Variants in RABL6 observed in about 807,000 individuals in gnomAD.
The protein encoded by RABL6 is rab-like protein 6.
A neutral mutation model predicts 72.9 loss-of-function variants in RABL6; 28 were observed. The ratio of observed to expected loss-of-function variants is 0.38; its 90% CI spans 0.28 to 0.53. RABL6 has a LOEUF of 0.53. RABL6 is among the 20% of genes least tolerant of loss of function. RABL6 has a pLI of 0.80. For synonymous variants in RABL6, 477 were observed against 421.2 expected, an observed-to-expected ratio of 1.13 and a Z score of -1.62; for missense variants, 1,029 against 1,008.4, an observed-to-expected ratio of 1.02 and a Z score of -0.28.
rs568788847 is a variant in RABL6 at position 136,832,319 on chromosome 9, C to T, written c.654C>T (p.Phe218=). ...CTGAGTCTTCCATGAAGAACAGCTT[C>T]GGCCTAAAGTACCTTCATAAGTTCT... The part of the protein sequence containing the change: ...RYAESSMKNS[F]GLKYLHKFFN... Residue 218 remains phenylalanine (F), a synonymous_variant, in exon 7 of 15, where the codon TTC becomes TTT. Coordinates refer to ENST00000311502, the MANE Select transcript of RABL6 (RefSeq NM_024718.5). The T allele has an allele frequency of 1.5e-5, 25 of 1,613,950 alleles. No homozygotes were observed. Among genetic ancestry groups the T allele is most frequent in the South Asian group, 1.1e-4 (10 of 91,088 alleles).
intron 2 of RABL6, among the ~76,000 whole-genome samples, chr9:136,824,315 G>C (rs915256959): frequency 2.8e-5 from 4 of 143,652 alleles, no homozygotes; most frequent in African/African-American, 1.0e-4. Flanking sequence ...TTTGTTTTTT[G>C]GTTTGGTTGG....
rs537381681 is a variant in RABL6 at position 136,827,230 on chromosome 9, G to A, written c.314-1264G>A. The A allele has an allele frequency of 5.9e-5, 9 of 152,408 alleles. No individual in the cohort carries two copies. In the East Asian group the frequency reaches 9.6e-4, roughly 16 times the overall value. 9.4% of individuals were successfully genotyped at this position (152,408 alleles called of 1,614,324 possible). A position where few individuals can be genotyped will look rare whatever the true frequency, so the allele number is the denominator to read the frequency against. ...TCCCCGCCCTGACTCAGTGCCCACT[G>A]TGCGAGGTGTGAGCACTGTCCACAG... On this transcript the variant is annotated intron_variant, in intron 3 of 14. Transcript: ENST00000311502.
chr9:136,832,238 T>G, intron 6 of RABL6, 27 bp from the exon 7 acceptor site: 1 of 1,596,816 alleles, frequency 6.3e-7, no homozygotes, highest in South Asian at 1.1e-5. Context: ...GTCTTTCTCT[T>G]GCATCTTTTT....
chr9:136,839,645 G>A (rs781100485), intron 12 of RABL6, 49 bp from the exon 13 acceptor site: 7 of 1,551,798 alleles, frequency 4.5e-6, no homozygotes, highest in Non-Finnish European at 6.1e-6. Flanking sequence ...CACAACCCCT[G>A]GGGGTGTGGG....
chr9:136,837,813 G>C, intron 9 of RABL6, 49 bp from the exon 10 acceptor site: 1 of 1,543,628 alleles, frequency 6.5e-7, no homozygotes, highest in South Asian at 1.2e-5. Flanking sequence ...GTTGGGTGCA[G>C]TGAGGGTTCT....
chr9:136,808,250 C>A lies in RABL6; in HGVS notation c.54C>A (p.Asp18Glu). ...LVGSDQAPGR[D>E]KNIPAGLQSM... is the part of the protein sequence containing the mutation. ...GGTCGGACCAGGCCCCGGGCCGGGA[C>A]AAGAACATCCCCGCCGGGCTGCAGT... Residue 18 changes from aspartate (D) to glutamate (E), a missense_variant, in exon 1 of 15, where the codon GAC (aspartate) becomes GAA (glutamate). Transcript: ENST00000311502. 6.4e-7 allele frequency: 1 copy of A among 1,565,840 alleles called. No individual in the cohort carries two copies. The highest frequency in any genetic ancestry group is 8.6e-7 in the Non-Finnish European group (1 of 1,157,582).
At chr9:136,823,284 C>T (rs1003172154) in intron 1 of RABL6, among the ~76,000 whole-genome samples, 2 of 151,304 alleles carry the variant, frequency 1.3e-5, no homozygotes, top group African/African-American at 2.5e-5. Flanking sequence ...TAGAAAGCTG[C>T]CCCCTGGGCC....
intron 6 of RABL6, 72 bp from the exon 7 acceptor site, chr9:136,832,193 T>A: frequency 7.2e-7 from 1 of 1,397,178 alleles, no homozygotes; most frequent in Non-Finnish European, 1.0e-6. Context: ...CCCACAGCTG[T>A]GGGCCCAGGG....
At chr9:136,834,760 G>T (rs185899611) in intron 7 of RABL6, among the ~76,000 whole-genome samples, 1 of 151,926 alleles carries the variant, frequency 6.6e-6, no homozygotes, top group African/African-American at 2.4e-5. Flanking sequence ...TTACAGGTGT[G>T]AGCCACCACG....
chr9:136,815,272 C>A, intron 1 of RABL6: 1 of 288,166 alleles, frequency 3.5e-6, no homozygotes, highest in Non-Finnish European at 7.0e-6. Flanking sequence ...GCAGGTGTGG[C>A]GACTGCTTTG....
chr9:136,821,796 G>A (rs932737025), intron 1 of RABL6: 1 of 1,175,284 alleles, frequency 8.5e-7, no homozygotes, highest in Non-Finnish European at 1.1e-6. Flanking sequence ...CAAGTTCTCC[G>A]CGGGAGAGGG....
intron 1 of RABL6, chr9:136,813,889 AC>A (rs2131158357): frequency 3.6e-6 from 1 of 280,300 alleles, no homozygotes; most frequent in Non-Finnish European, 7.0e-6. Context: ...TGCTGGGATT[AC>A]AGGTGTGAGC....
chr9:136,828,696 C>G (rs1319647181), intron 4 of RABL6, 150 bp downstream of exon 4: 3 of 774,452 alleles, frequency 3.9e-6, no homozygotes, highest in Non-Finnish European at 6.2e-6. Context: ...TCTGAAAACC[C>G]CACACTGCCA....
intron 1 of RABL6, among the ~76,000 whole-genome samples, chr9:136,810,753 G>C (rs1050578747): frequency 2.6e-5 from 4 of 152,212 alleles, no homozygotes; most frequent in Non-Finnish European, 5.9e-5. Context: ...GTGTTAGCCA[G>C]GATGGTCTCA....
Position 136,808,349 on chromosome 9 carries a change from G to A in RABL6, c.130+23G>A, listed in dbSNP as rs746395593. 12 of 1,487,450 alleles carry A rather than the reference G, an allele frequency of 8.1e-6. No individual in the cohort carries two copies. In the African/African-American group the frequency reaches 8.8e-5, roughly 11 times the overall value. 92.1% of individuals were successfully genotyped at this position (1,487,450 alleles called of 1,614,324 possible). ...ACAGTGAGTGCGGCGGGCCGGGGGGGCGCGGGAGCGCCGCGCGGGTCTCCG... is the reference window on the plus strand; with the variant it reads ...ACAGTGAGTGCGGCGGGCCGGGGGGACGCGGGAGCGCCGCGCGGGTCTCCG... On this transcript the variant is annotated intron_variant, in intron 1 of 14. Coordinates refer to ENST00000311502, the MANE Select transcript of RABL6 (RefSeq NM_024718.5).
Position 136,840,170 on chromosome 9 carries a change from C to T in RABL6, c.1947C>T (p.Thr649=), listed in dbSNP as rs1255888915. 2.5e-6 allele frequency: 4 copies of T among 1,612,784 alleles called. No individual in the cohort carries two copies. The highest frequency in any genetic ancestry group is 4.5e-5 in the East Asian group (2 of 44,856). Residue 649 remains threonine (T), a synonymous_variant, in exon 14 of 15, where the codon ACC becomes ACT. Transcript: ENST00000311502. ...ESSEEGKEGK[T]PSKEKKKKKK... ...TCTGTGCAGGTAAGGAGGGCAAAAC[C>T]CCCTCTAAGGAGAAGAAGAAGAAGA...
At position 136,826,243 on chromosome 9, in the gene RABL6, C is replaced by T. The variant is rs1238017511; in HGVS notation, c.313+417C>T. ...TCCCTGCCAGGGATCCCCAGCCACA[C>T]AGACCTGCACTCTGGGGACCGTGGG... On this transcript the variant is annotated intron_variant, in intron 3 of 14. Transcript: ENST00000311502. The surrounding 1 kb of genome is among the most constrained non-coding windows in gnomAD (Gnocchi z 4.9). Among the ~76,000 whole-genome samples the T allele has an allele frequency of 6.6e-6, 1 of 152,188 alleles. No homozygotes were observed. Among genetic ancestry groups the T allele is most frequent in the African/African-American group, 2.4e-5 (1 of 41,444 alleles).
intron 1 of RABL6, chr9:136,821,214 T>C (rs1289068469): frequency 1.6e-6 from 1 of 617,008 alleles, no homozygotes; most frequent in East Asian, 1.4e-4. Context: ...TTCTGTCCCG[T>C]AGGGTTGAGG....
At chr9:136,816,835 A>G (rs1281298081) in intron 1 of RABL6, among the ~76,000 whole-genome samples, 2 of 152,078 alleles carry the variant, frequency 1.3e-5, no homozygotes, top group African/African-American at 2.4e-5. Flanking sequence ...GTTTGTGGCC[A>G]TATAGTAGGT....
Sources: allele counts gnomAD v4.1 joint callset (sites outside exome capture counted in the v4.1 genomes callset), GRCh38; gene constraint gnomAD v4.1.1; non-coding constraint Gnocchi (gnomAD v3.1); transcripts MANE v1.5; gene names NCBI Gene and HGNC (gene_info 2026-07-23, HGNC 2026-07-21).